PCNX3: variants seen among roughly 807,000 people sequenced by gnomAD.
The protein encoded by PCNX3 is pecanex-like protein 3.
In PCNX3, 58 loss-of-function variants were observed where a neutral mutation model predicts 207.2. The ratio of observed to expected loss-of-function variants is 0.28; its 90% CI spans 0.23 to 0.35. The LOEUF (loss-of-function observed/expected upper bound fraction) is 0.35, where lower values mean the gene tolerates loss of function less well. Among genes scored for constraint, PCNX3 ranks in the 10% least tolerant of loss-of-function variants. The pLI, the probability that PCNX3 is intolerant of heterozygous loss-of-function variation, is 1.00. For synonymous variants in PCNX3, 1,337 were observed against 1,183.5 expected, an observed-to-expected ratio of 1.13 and a Z score of -2.66; for missense variants, 2,410 against 2,774.4, an observed-to-expected ratio of 0.87 and a Z score of 2.95.
In PCNX3 at chr11:65,635,697, C is replaced by T; in HGVS notation, c.5353C>T (p.Pro1785Ser). ...QPLGYPIYVS[P>S]LTTSLAGSHP... ...GCTGGGCTACCCCATCTACGTGTCGCCTCTCACCACCTCGCTGGCTGGCAG... is the reference window on the plus strand; with the variant it reads ...GCTGGGCTACCCCATCTACGTGTCGTCTCTCACCACCTCGCTGGCTGGCAG... The change falls in exon 32 of 35, where the codon CCT becomes TCT. Residue 1785 changes from proline (P) to serine (S), a missense_variant. By Grantham distance (74) the Pro-to-Ser change is moderately conservative. Around this residue, in one of 8 missense-constraint regions of PCNX3, gnomAD observed 21 missense variants for 79.2 expected, o/e 0.27. Transcript: ENST00000355703. The surrounding 1 kb of genome is among the most constrained non-coding windows in gnomAD (Gnocchi z 9.9). 6.2e-7 allele frequency: 1 copy of T among 1,610,684 alleles called. No individual in the cohort carries two copies.
intron 20 of PCNX3, 143 bp downstream of exon 20, chr11:65,626,197 T>G (rs760280870): frequency 1.7e-6 from 2 of 1,187,062 alleles, no homozygotes; most frequent in South Asian, 2.6e-5. Flanking sequence ...CTCCCTGCCC[T>G]CTGTGTCCGT....
rs1442849381 is a variant in PCNX3, at chr11:65,636,500, G to T, written c.5703G>T (p.Arg1901=). ...PPPLLQWPPP[R]LPGPPPASPI... is the part of the protein sequence containing the mutation. Reference sequence around the variant, plus strand: ...CTCTGCTGCAGTGGCCTCCCCCTCGGCTCCCTGGACCACCCCCTGCATCGC... The same window carrying T: ...CTCTGCTGCAGTGGCCTCCCCCTCGTCTCCCTGGACCACCCCCTGCATCGC... Residue 1901 remains arginine (R), a synonymous_variant, in exon 34 of 35, where the codon CGG becomes CGT. Coordinates refer to ENST00000355703, the MANE Select transcript of PCNX3 (RefSeq NM_032223.4). 6.3e-7 allele frequency: 1 copy of T among 1,579,158 alleles called. No homozygotes were observed. Among genetic ancestry groups the T allele is most frequent in the Non-Finnish European group, 8.6e-7 (1 of 1,164,404 alleles).
At position 65,629,561 on chromosome 11, in the gene PCNX3, T is replaced by G. The variant is rs780956073; in HGVS notation, c.4042T>G (p.Leu1348Val). 4 of 1,613,698 alleles carry G rather than the reference T, an allele frequency of 2.5e-6. No individual in the cohort carries two copies. The South Asian group carries it at 4.4e-5, about 18-fold the overall frequency. ...CCTCAACTCCATCTTCTATGAGCAC[T>G]TGACACGTTCGCTGCAGCACACACT... is the stretch of plus-strand genomic sequence containing the variant. ...NNLNSIFYEH[L>V]TRSLQHTLCG... Residue 1348 changes from leucine to valine, a missense_variant, in exon 26 of 35, where the codon TTG becomes GTG. By Grantham distance (32) the Leu-to-Val change is conservative. Transcript: ENST00000355703.
At chr11:65,631,089 C>T (rs867695099) in intron 27 of PCNX3, among the ~76,000 whole-genome samples, 31 of 152,318 alleles carry the variant, frequency 2.0e-4, no homozygotes, top group Middle Eastern at 3.4e-3. Context: ...AGTTGGCTTG[C>T]AGAGGTTCCA....
chr11:65,621,443 A>G (rs542065696), intron 10 of PCNX3, among the ~76,000 whole-genome samples: 20 of 152,356 alleles, frequency 1.3e-4, no homozygotes, highest in African/African-American at 4.8e-4. Context: ...TGTATACTTA[A>G]TCTATTAACA....
Position 65,619,533 on chromosome 11 carries a change from G to T in PCNX3, c.1706-4G>T, listed in dbSNP as rs756224011. On this transcript the variant is annotated splice_polypyrimidine_tract_variant and splice_region_variant and intron_variant, in intron 6 of 34. Coordinates refer to ENST00000355703, the MANE Select transcript of PCNX3 (RefSeq NM_032223.4). ...CTTACACTTGGGGGCCTCTCTCTGG[G>T]CAGCGGCCGAGGAGACTGGCAGGCG... 3 of 1,611,248 alleles carry T rather than the reference G, an allele frequency of 1.9e-6. No homozygotes were observed. The highest frequency in any genetic ancestry group is 2.2e-5 in the East Asian group (1 of 44,892).
Position 65,625,399 on chromosome 11 carries a change from C to T in PCNX3, c.3030-6C>T. On this transcript the variant is annotated splice_region_variant and splice_polypyrimidine_tract_variant and intron_variant, in intron 17 of 34. Coordinates refer to ENST00000355703, the MANE Select transcript of PCNX3 (RefSeq NM_032223.4). This position sits in a 1 kb window ranked among gnomAD's most constrained non-coding sequence, Gnocchi z 5.6. ...CGGCCTCCTCCTGACTCTTCCTCAC[C>T]CCCAGGTCTCTGATCCGGAGCAAGC... The T allele has an allele frequency of 6.2e-7, 1 of 1,602,440 alleles. No homozygotes were observed. Among genetic ancestry groups the T allele is most frequent in the Non-Finnish European group, 8.5e-7 (1 of 1,177,920 alleles).
At position 65,624,209 on chromosome 11, in the gene PCNX3, G is replaced by A. The variant is rs1221055253; in HGVS notation, c.2559G>A (p.Val853=). The A allele has an allele frequency of 6.2e-7, 1 of 1,606,050 alleles. No individual in the cohort carries two copies. Among genetic ancestry groups the A allele is most frequent in the South Asian group, 1.1e-5 (1 of 90,176 alleles). Residue 853 remains valine (V), a synonymous_variant, in exon 14 of 35, where the codon GTG becomes GTA. Coordinates refer to ENST00000355703, the MANE Select transcript of PCNX3 (RefSeq NM_032223.4). ...TGACCCCTCAGGGCCACAACTGGGT[G>A]ATCGCGTACAGCCGTCCTGTCTACT... The part of the protein sequence containing the change: ...AASPMHGHNW[V]IAYSRPVYFC...
Position 65,636,378 on chromosome 11 carries a change from C to A in PCNX3, c.5594-13C>A, listed in dbSNP as rs1337653192. On this transcript the variant is annotated splice_polypyrimidine_tract_variant and intron_variant, in intron 33 of 34. Transcript: ENST00000355703. ...CCAGCTGAGGCCTCTGCTGTCTTATCTGTCTCCTACAGGCAATGGTGACCA... is the reference window on the plus strand; with the variant it reads ...CCAGCTGAGGCCTCTGCTGTCTTATATGTCTCCTACAGGCAATGGTGACCA... The A allele has an allele frequency of 6.3e-7, 1 of 1,577,104 alleles. No individual in the cohort carries two copies. The highest frequency in any genetic ancestry group is 2.2e-5 in the East Asian group (1 of 44,546).
At chr11:65,622,094 G>A (rs1855134527) in intron 10 of PCNX3, 151 bp from the exon 11 acceptor site, 2 of 1,335,694 alleles carry the variant, frequency 1.5e-6, no homozygotes, top group Admixed American at 2.7e-5. Flanking sequence ...CGCTAGACAG[G>A]GGCCTTTATG....
Position 65,627,506 on chromosome 11 carries a change from T to A in PCNX3, c.3626T>A (p.Leu1209His). ...CTGACGTTGGCCTTCACCGTCCTGC[T>A]CTTCCACTTTGACTACCCGCGCCTC... ...QYLTLAFTVL[L>H]FHFDYPRLSQ... Residue 1209 changes from leucine to histidine, a missense_variant, in exon 22 of 35, where the codon CTC becomes CAC. Physicochemically the swap from Leu to His is moderately conservative, Grantham distance 99. Transcript: ENST00000355703. 1.9e-6 allele frequency: 3 copies of A among 1,613,882 alleles called. No individual in the cohort carries two copies. The highest frequency in any genetic ancestry group is 2.5e-6 in the Non-Finnish European group (3 of 1,179,862).
chr11:65,626,317 G>T (rs1429660216), intron 20 of PCNX3: 1 of 650,146 alleles, frequency 1.5e-6, no homozygotes, highest in Non-Finnish European at 2.8e-6. Context: ...GAAGACGGAA[G>T]AATTAGAACC....
Position 65,622,228 on chromosome 11 carries a change from C to G in PCNX3, c.2236-17C>G, listed in dbSNP as rs1324000817. 1 of 1,598,424 alleles carries G rather than the reference C, an allele frequency of 6.3e-7. No homozygotes were observed. Among genetic ancestry groups the G allele is most frequent in the Non-Finnish European group, 8.5e-7 (1 of 1,173,382 alleles). On this transcript the variant is annotated splice_polypyrimidine_tract_variant and intron_variant, in intron 10 of 34. Coordinates refer to ENST00000355703, the MANE Select transcript of PCNX3 (RefSeq NM_032223.4). ...CAGTTTGACCTGCTGGACCAGGACT[C>G]CCTGCACGAATCCCAGGAGCAGACA...
intron 11 of PCNX3, among the ~76,000 whole-genome samples, chr11:65,622,744 C>T (rs1012404864): frequency 1.3e-5 from 2 of 151,936 alleles, no homozygotes; most frequent in East Asian, 1.9e-4. Context: ...TACAGGTGCC[C>T]GCCACCACAC....
chr11:65,635,156 G>A lies in PCNX3; in HGVS notation c.4953+36G>A, dbSNP rs779764074. ...GGTGTGCCCAGCAGCATGGGCAGGT[G>A]GGGGATGAAGCCTCTCTCCAGGGCA... On this transcript the variant is annotated intron_variant, in intron 30 of 34. Coordinates refer to ENST00000355703, the MANE Select transcript of PCNX3 (RefSeq NM_032223.4). The surrounding 1 kb of genome is among the most constrained non-coding windows in gnomAD (Gnocchi z 9.9). 28 of 1,607,080 alleles carry A rather than the reference G, an allele frequency of 1.7e-5. No homozygotes were observed. Among genetic ancestry groups the A allele is most frequent in the Non-Finnish European group, 2.4e-5 (28 of 1,175,728 alleles).
Position 65,635,260 on chromosome 11 carries a change from C to T in PCNX3, c.4996C>T (p.Leu1666=). ...AGATGAATATGAGGAGCCAGCAGCC[C>T]TATACGATGCCATTGCGGCCAACGA... ...SPDEYEEPAA[L]YDAIAANEER... is the part of the protein sequence containing the mutation. The change falls in exon 31 of 35, where the codon CTA becomes TTA. Residue 1666 remains leucine (L), a synonymous_variant. Transcript: ENST00000355703. This position sits in a 1 kb window ranked among gnomAD's most constrained non-coding sequence, Gnocchi z 9.9. 1 of 1,588,074 alleles carries T rather than the reference C, an allele frequency of 6.3e-7. No individual in the cohort carries two copies. Among genetic ancestry groups the T allele is most frequent in the Middle Eastern group, 1.7e-4 (1 of 6,034 alleles).
chr11:65,625,314 C>T lies in PCNX3; in HGVS notation c.3029+34C>T, dbSNP rs1565163037. On this transcript the variant is annotated intron_variant, in intron 17 of 34. Transcript: ENST00000355703. The surrounding 1 kb of genome is among the most constrained non-coding windows in gnomAD (Gnocchi z 5.6). ...GCTCCGGGTCGTGTGTTTGTGTCTG[C>T]CCAGTAGGGGTTTGTGGTCTGTGCA... 3.8e-6 allele frequency: 6 copies of T among 1,594,516 alleles called. No individual in the cohort carries two copies. Among genetic ancestry groups the T allele is most frequent in the South Asian group, 2.2e-5 (2 of 90,630 alleles).
At position 65,617,924 on chromosome 11, in the gene PCNX3, C is replaced by T. The variant is rs1204464124; in HGVS notation, c.578-16C>T. The T allele has an allele frequency of 3.8e-6, 6 of 1,565,788 alleles. No homozygotes were observed. In the Admixed American group the frequency reaches 6.0e-5, roughly 16 times the overall value. ...AAAACCCTTTTTTCATTTTCTGTTT[C>T]CCTTTATTTTGGCAGTTGGAGACCT... On this transcript the variant is annotated splice_polypyrimidine_tract_variant and intron_variant, in intron 5 of 34. Transcript: ENST00000355703.
At position 65,625,811 on chromosome 11, in the gene PCNX3, G is replaced by T; in HGVS notation, c.3228+67G>T. The T allele has an allele frequency of 1.3e-6, 2 of 1,595,634 alleles. No individual in the cohort carries two copies. The highest frequency in any genetic ancestry group is 8.5e-7 in the Non-Finnish European group (1 of 1,171,412). ...CGGGAGCCTGCTCAATCTGAGTGCC[G>T]TGGGCAGCCCCTCCCCGGCCTGTGC... On this transcript the variant is annotated intron_variant, in intron 19 of 34. Coordinates refer to ENST00000355703, the MANE Select transcript of PCNX3 (RefSeq NM_032223.4). The surrounding 1 kb of genome is among the most constrained non-coding windows in gnomAD (Gnocchi z 5.6).
Sources: gnomAD v4.1 joint callset for allele counts (sites outside exome capture counted in the v4.1 genomes callset) on GRCh38, gnomAD v4.1.1 for gene constraint, gnomAD v4.1.1 regional missense constraint, Gnocchi (gnomAD v3.1) non-coding constraint, MANE v1.5 for transcripts, NCBI Gene and HGNC (gene_info 2026-07-23, HGNC 2026-07-21) for gene names.